The following SGCD variants were observed in gnomAD, a reference collection of about 807,000 sequenced individuals.
SGCD encodes delta-sarcoglycan.
SGCD carries 18 observed loss-of-function variants against 36.6 expected under a neutral mutation model. That is an observed-to-expected ratio of 0.49 (90% confidence interval 0.34 to 0.73). The LOEUF (loss-of-function observed/expected upper bound fraction) is 0.73. SGCD is among the 30% of genes least tolerant of loss of function. The pLI is 0.01. For missense variants in SGCD, 387 were observed against 346.7 expected (o/e 1.12, Z -0.92); for synonymous variants, 133 against 130.6 (o/e 1.02, Z -0.12).
chr5:156,192,275 GAC>G (rs1357628809), intron 3 of SGCD, among the ~76,000 whole-genome samples: 9 of 152,096 alleles, frequency 5.9e-5, no homozygotes, highest in Non-Finnish European at 1.5e-5. Context: ...TCCAATAATG[GAC>G]ACACACAAAA....
At chr5:156,745,635 A>T (rs1756908091) in intron 7 of SGCD, among the ~76,000 whole-genome samples, 1 of 152,224 alleles carries the variant, frequency 6.6e-6, no homozygotes, top group Admixed American at 6.5e-5. Context: ...GGCTTCAGTT[A>T]TGAGAATTAG....
chr5:156,581,084 T>G (rs1760235383), intron 4 of SGCD, among the ~76,000 whole-genome samples: 1 of 152,212 alleles, frequency 6.6e-6, no homozygotes. Context: ...AGATGGGGTT[T>G]TGGTGTGGAT....
chr5:156,235,187 T>G (rs1354664334), intron 3 of SGCD, among the ~76,000 whole-genome samples: 2 of 152,096 alleles, frequency 1.3e-5, no homozygotes, highest in African/African-American at 2.4e-5. Flanking sequence ...AAGGATGAAG[T>G]TTGAAAGAAT....
chr5:156,577,947 A>C (rs1760052950), intron 4 of SGCD, among the ~76,000 whole-genome samples: 1 of 152,176 alleles, frequency 6.6e-6, no homozygotes, highest in South Asian at 2.1e-4. Context: ...AACTTGCAAC[A>C]CTATGTTGAA....
chr5:156,437,433 G>A (rs1428714357), intron 3 of SGCD, among the ~76,000 whole-genome samples: 1 of 152,148 alleles, frequency 6.6e-6, no homozygotes, highest in African/African-American at 2.4e-5. Flanking sequence ...GCAAAGGAGA[G>A]CTGACAGTCT....
At chr5:156,673,143 G>A (rs1753370405) in intron 7 of SGCD, among the ~76,000 whole-genome samples, 2 of 152,140 alleles carry the variant, frequency 1.3e-5, no homozygotes, top group Admixed American at 6.5e-5. Flanking sequence ...TGTGTGTTCA[G>A]CCAGCATAAA....
At chr5:156,256,518 G>C (rs560366722) in intron 3 of SGCD, among the ~76,000 whole-genome samples, 5 of 152,082 alleles carry the variant, frequency 3.3e-5, no homozygotes, top group Non-Finnish European at 7.4e-5. Flanking sequence ...TTATTGTCTA[G>C]TATCATTACA....
intron 3 of SGCD, among the ~76,000 whole-genome samples, chr5:156,135,951 C>T (rs976866003): frequency 6.6e-6 from 1 of 152,000 alleles, no homozygotes; most frequent in Non-Finnish European, 1.5e-5. Context: ...TCATTATTAG[C>T]GGTGTAACAA....
intron 3 of SGCD, among the ~76,000 whole-genome samples, chr5:156,256,705 G>A (rs1765725210): frequency 6.6e-6 from 1 of 151,996 alleles, no homozygotes; most frequent in Non-Finnish European, 1.5e-5. Context: ...TAGATTGTAG[G>A]GTAGAAATTT....
intron 1 of SGCD, among the ~76,000 whole-genome samples, chr5:156,021,967 C>G (rs1041337945): frequency 6.6e-6 from 1 of 152,148 alleles, no homozygotes; most frequent in African/African-American, 2.4e-5. Flanking sequence ...CAACCATCAT[C>G]TTTATCAATT....
At chr5:156,569,802 T>C (rs1759643966) in intron 4 of SGCD, among the ~76,000 whole-genome samples, 1 of 151,758 alleles carries the variant, frequency 6.6e-6, no homozygotes, top group African/African-American at 2.4e-5. Flanking sequence ...AAGTACAAAT[T>C]CCTGTAGGCA....
chr5:156,660,611 ATGT>A (rs1468711779), intron 7 of SGCD, among the ~76,000 whole-genome samples: 22 of 148,034 alleles, frequency 1.5e-4, no homozygotes, highest in African/African-American at 4.9e-4. Flanking sequence ...TACCAGTAAG[ATGT>A]TGTTCTGCAG....
At chr5:155,827,019 T>C in the SGCD span, among the ~76,000 whole-genome samples, 1 of 152,194 alleles carries the variant, frequency 6.6e-6, no homozygotes, top group African/African-American at 2.4e-5. Flanking sequence ...GTTCCCTATG[T>C]AAGAAGAAAT....
At chr5:156,656,430 T>C (rs1045586706) in intron 7 of SGCD, among the ~76,000 whole-genome samples, 1 of 152,016 alleles carries the variant, frequency 6.6e-6, no homozygotes, top group Non-Finnish European at 1.5e-5. Flanking sequence ...GGCGTTTTGA[T>C]TGAAAGAAGA....
intron 3 of SGCD, among the ~76,000 whole-genome samples, chr5:156,201,427 A>G (rs1581165004): frequency 6.6e-6 from 1 of 152,106 alleles, no homozygotes; most frequent in South Asian, 2.1e-4. Flanking sequence ...ATCTTTCTTC[A>G]CTCCCACTGT....
chr5:156,581,814 A>G lies in SGCD; in HGVS notation c.295-7417A>G, dbSNP rs112881008. On this transcript the variant is annotated intron_variant, in intron 4 of 8. Transcript: ENST00000337851. ...TTGGATGGGAGGGTCCTGTTTTTCCAGGTACCATCTGAAATGGCTTCCCTT... is the reference window on the plus strand; with the variant it reads ...TTGGATGGGAGGGTCCTGTTTTTCCGGGTACCATCTGAAATGGCTTCCCTT... 3.5e-3 allele frequency among the ~76,000 whole-genome samples: 535 copies of G among 152,304 alleles called. 2 individuals carry two copies. Among genetic ancestry groups the G allele is most frequent in the African/African-American group, 0.012 (500 of 41,570 alleles).
At chr5:156,277,977 A>G (rs934097608) in intron 3 of SGCD, among the ~76,000 whole-genome samples, 3 of 152,216 alleles carry the variant, frequency 2.0e-5, no homozygotes, top group African/African-American at 7.2e-5. Flanking sequence ...GAAGCACTGA[A>G]TGGAAATATG....
intron 1 of SGCD, among the ~76,000 whole-genome samples, chr5:155,937,757 C>G (rs1463218203): frequency 6.6e-6 from 1 of 152,200 alleles, no homozygotes; most frequent in Non-Finnish European, 1.5e-5. Flanking sequence ...CTATGTCTGA[C>G]TGCAAATGTG....
chr5:156,333,361 C>G (rs1490500975), intron 2 of SGCD, among the ~76,000 whole-genome samples: 1 of 152,194 alleles, frequency 6.6e-6, no homozygotes. Flanking sequence ...GTAACTTTCA[C>G]TCTGGCTGGA....
Sources: gnomAD v4.1 joint callset for allele counts (sites outside exome capture counted in the v4.1 genomes callset) on GRCh38, gnomAD v4.1.1 for gene constraint, MANE v1.5 for transcripts, NCBI Gene and HGNC (gene_info 2026-07-23, HGNC 2026-07-21) for gene names.